Variants in ST8SIA6 observed in about 807,000 individuals in gnomAD.
The protein encoded by ST8SIA6 is alpha-2,8-sialyltransferase 8F.
A neutral mutation model predicts 33.6 loss-of-function variants in ST8SIA6; 39 were observed. The ratio of observed to expected loss-of-function variants is 1.16; its 90% CI spans 0.90 to 1.52. ST8SIA6 has a LOEUF of 1.52. Ranked by LOEUF, ST8SIA6 falls within the 40% of genes most tolerant of loss-of-function variation. The pLI is 0.00. For missense variants in ST8SIA6, 441 were observed against 443.8 expected, an observed-to-expected ratio of 0.99 and a Z score of 0.06; for synonymous variants, 172 against 167.2, an observed-to-expected ratio of 1.03 and a Z score of -0.22.
At chr10:17,451,460 G>C (rs1564471764) in intron 2 of ST8SIA6, among the ~76,000 whole-genome samples, 1 of 152,174 alleles carries the variant, frequency 6.6e-6, no homozygotes, top group Non-Finnish European at 1.5e-5. Flanking sequence ...ATTATCCATT[G>C]GGTACAATGA....
intron 4 of ST8SIA6, among the ~76,000 whole-genome samples, chr10:17,352,329 G>T (rs1269088947): frequency 6.6e-6 from 1 of 152,140 alleles, no homozygotes; most frequent in African/African-American, 2.4e-5. Flanking sequence ...TATTTGAGTA[G>T]AGTGTCAGAA....
intron 3 of ST8SIA6, among the ~76,000 whole-genome samples, chr10:17,387,991 CCAG>C (rs1850443686): frequency 6.6e-6 from 1 of 152,128 alleles, no homozygotes; most frequent in African/African-American, 2.4e-5. Context: ...TCAGGCATGC[CCAG>C]ATAGCTGGTA....
At chr10:17,423,180 C>T (rs1851831581) in intron 2 of ST8SIA6, among the ~76,000 whole-genome samples, 1 of 152,202 alleles carries the variant, frequency 6.6e-6, no homozygotes, top group South Asian at 2.1e-4. Flanking sequence ...GCACCAGAAA[C>T]AGCAGCTATC....
chr10:17,381,267 A>C (rs183141807), intron 3 of ST8SIA6, among the ~76,000 whole-genome samples: 1 of 152,196 alleles, frequency 6.6e-6, no homozygotes, highest in Admixed American at 6.5e-5. Context: ...TTAATGTGCA[A>C]ACTTAAGGCT....
chr10:17,401,459 GC>G (rs1851038439), intron 2 of ST8SIA6, among the ~76,000 whole-genome samples: 1 of 152,172 alleles, frequency 6.6e-6, no homozygotes, highest in Admixed American at 6.5e-5. Flanking sequence ...CCAAAAACGA[GC>G]CCGCATTGCC....
chr10:17,335,200 A>G (rs1238008205), intron 4 of ST8SIA6, among the ~76,000 whole-genome samples: 3 of 152,080 alleles, frequency 2.0e-5, no homozygotes, highest in Non-Finnish European at 4.4e-5. Context: ...ACCTCAACTT[A>G]TTTCTCCGTA....
intron 4 of ST8SIA6, 139 bp downstream of exon 4, chr10:17,359,375 A>G: frequency 1.7e-6 from 1 of 571,936 alleles, no homozygotes; most frequent in Non-Finnish European, 3.1e-6. Context: ...GCCTCATGAG[A>G]GGGTCTTAGA....
chr10:17,415,932 C>T (rs1324208647), intron 2 of ST8SIA6, among the ~76,000 whole-genome samples: 2 of 151,454 alleles, frequency 1.3e-5, no homozygotes, highest in Non-Finnish European at 2.9e-5. Context: ...GCCTCAGCCT[C>T]CCGAGTAACT....
chr10:17,331,819 C>T (rs1848311402), intron 4 of ST8SIA6, among the ~76,000 whole-genome samples: 1 of 152,022 alleles, frequency 6.6e-6, no homozygotes, highest in East Asian at 1.9e-4. Context: ...TTCTGGGATA[C>T]ATATGCAGAC....
chr10:17,393,074 G>A (rs1352600998), intron 2 of ST8SIA6, among the ~76,000 whole-genome samples: 3 of 152,198 alleles, frequency 2.0e-5, no homozygotes, highest in African/African-American at 4.8e-5. Flanking sequence ...AAAAGTGGAG[G>A]AAGGGTGAGT....
intron 3 of ST8SIA6, among the ~76,000 whole-genome samples, chr10:17,370,259 AG>A: frequency 6.6e-6 from 1 of 152,206 alleles, no homozygotes; most frequent in East Asian, 1.9e-4. Flanking sequence ...CTGGGATTGC[AG>A]GCGTGAGCCA....
At chr10:17,423,183 C>T (rs910029568) in intron 2 of ST8SIA6, among the ~76,000 whole-genome samples, 1 of 152,194 alleles carries the variant, frequency 6.6e-6, no homozygotes, top group Non-Finnish European at 1.5e-5. Context: ...CCAGAAACAG[C>T]AGCTATCCCA....
At chr10:17,336,586 CAT>C (rs901044090) in intron 4 of ST8SIA6, among the ~76,000 whole-genome samples, 8 of 144,624 alleles carry the variant, frequency 5.5e-5, no homozygotes, top group African/African-American at 7.9e-5. Context: ...AATTATATCA[CAT>C]GTGTGCTTTT....
intron 2 of ST8SIA6, among the ~76,000 whole-genome samples, chr10:17,394,891 A>T (rs1225337879): frequency 1.3e-5 from 2 of 152,180 alleles, no homozygotes; most frequent in African/African-American, 2.4e-5. Context: ...AAAGACTCTA[A>T]ACCAGGAACA....
chr10:17,382,264 T>TA (rs397806824), intron 3 of ST8SIA6, among the ~76,000 whole-genome samples: 6 of 152,000 alleles, frequency 3.9e-5, no homozygotes, highest in Admixed American at 6.6e-5. Flanking sequence ...ATTTTTTTTT[T>TA]AATTAAGTTT....
intron 7 of ST8SIA6, among the ~76,000 whole-genome samples, chr10:17,322,094 CAG>C (rs10544183): frequency 0.69 from 92,039 of 134,142 alleles, 32,006 homozygotes; most frequent in East Asian, 0.86. Context: ...CAAAGAGAGA[CAG>C]AGAGAGAGAG....
intron 2 of ST8SIA6, among the ~76,000 whole-genome samples, chr10:17,446,553 A>G (rs1300018556): frequency 6.6e-6 from 1 of 152,216 alleles, no homozygotes; most frequent in Non-Finnish European, 1.5e-5. Context: ...GAGAAGTGAC[A>G]CTTCGGAAAA....
At chr10:17,435,989 C>T (rs1852242262) in intron 2 of ST8SIA6, among the ~76,000 whole-genome samples, 1 of 152,086 alleles carries the variant, frequency 6.6e-6, no homozygotes, top group Non-Finnish European at 1.5e-5. Flanking sequence ...GCACATAGCA[C>T]CTGTTTCAAA....
intron 2 of ST8SIA6, among the ~76,000 whole-genome samples, chr10:17,396,300 G>T (rs1159733489): frequency 6.6e-6 from 1 of 152,140 alleles, no homozygotes; most frequent in East Asian, 1.9e-4. Flanking sequence ...CTCATGAGGA[G>T]TGCTGGAAAA....
Sources: gnomAD v4.1 joint callset for allele counts (sites outside exome capture counted in the v4.1 genomes callset) on GRCh38, gnomAD v4.1.1 for gene constraint, MANE v1.5 for transcripts, NCBI Gene and HGNC (gene_info 2026-07-23, HGNC 2026-07-21) for gene names.